CAST: variants seen among roughly 807,000 people sequenced by gnomAD.
The protein encoded by CAST is MIR583 host.
In CAST, 76 loss-of-function variants were observed where a neutral mutation model predicts 119.6. That is an observed-to-expected ratio of 0.64 (90% CI 0.53 to 0.77). CAST has a LOEUF of 0.77. Ranked by LOEUF, CAST falls within the 30% of genes least tolerant of loss-of-function variation. The pLI, the probability that CAST is intolerant of heterozygous loss-of-function variation, is 0.00. For missense variants in CAST, 953 were observed against 946.5 expected (o/e 1.01, Z -0.09); for synonymous variants, 319 against 331.6 (o/e 0.96, Z 0.41).
At chr5:96,680,439 A>G (rs1222664697) in intron 2 of CAST, among the ~76,000 whole-genome samples, 1 of 151,376 alleles carries the variant, frequency 6.6e-6, no homozygotes, top group Non-Finnish European at 1.5e-5. Context: ...TAGCACCTAG[A>G]GAAATGGGCA....
chr5:96,468,904 C>T, the CAST span, among the ~76,000 whole-genome samples: 1 of 152,052 alleles, frequency 6.6e-6, no homozygotes, highest in Non-Finnish European at 1.5e-5. Flanking sequence ...AAGGGGATCT[C>T]GTCTAAAATA....
the CAST span, among the ~76,000 whole-genome samples, chr5:96,283,084 T>G: frequency 7.0e-6 from 1 of 142,184 alleles, no homozygotes; most frequent in Non-Finnish European, 1.5e-5. Flanking sequence ...GAGCCGAGAT[T>G]GCGCCACTGC....
the CAST span, among the ~76,000 whole-genome samples, chr5:96,446,816 A>G: frequency 5.1e-3 from 773 of 152,308 alleles, 14 homozygotes; most frequent in East Asian, 0.07. Context: ...TGCCTGGGCT[A>G]GAAAAAAAGA....
chr5:96,592,956 A>G (rs171870), intron 1 of CAST, among the ~76,000 whole-genome samples: 77,944 of 151,786 alleles, frequency 0.51, 20,163 homozygotes, highest in African/African-American at 0.58. Context: ...TAGTAGAGAC[A>G]GGGTTTCACC....
the CAST span, among the ~76,000 whole-genome samples, chr5:96,235,842 C>T: frequency 2.0e-5 from 3 of 152,102 alleles, no homozygotes; most frequent in African/African-American, 4.8e-5. Flanking sequence ...TTTCCACACC[C>T]GCTTCCAGTT....
chr5:96,277,263 TA>T, the CAST span, among the ~76,000 whole-genome samples: 149,258 of 152,274 alleles, frequency 0.98, 73,214 homozygotes, highest in East Asian at 1. Context: ...AGTGCCATAT[TA>T]ACTCTCCAAA....
At chr5:96,050,362 T>A in the CAST span, among the ~76,000 whole-genome samples, 1 of 151,760 alleles carries the variant, frequency 6.6e-6, no homozygotes, top group Non-Finnish European at 1.5e-5. Flanking sequence ...ACAGAAAGAA[T>A]TCTGAAGTAT....
At chr5:96,089,331 T>C in the CAST span, among the ~76,000 whole-genome samples, 1 of 152,118 alleles carries the variant, frequency 6.6e-6, no homozygotes, top group Non-Finnish European at 1.5e-5. Context: ...GCACATACTC[T>C]TGAGGGAGGA....
At position 96,698,709 on chromosome 5, in the gene CAST, G is replaced by A. The variant is rs1234357817; in HGVS notation, c.210+2802G>A. ...AGCCTTTTATTACACAGTTATCATG[G>A]CACACACAGGCAAAATAATATTCTC... On this transcript the variant is annotated intron_variant, in intron 3 of 31. Transcript: ENST00000675179. Among the ~76,000 whole-genome samples, 3 of 152,114 alleles carry A rather than the reference G, an allele frequency of 2.0e-5. No individual in the cohort carries two copies. The East Asian group carries it at 5.8e-4, about 29-fold the overall frequency.
chr5:96,690,157 G>C (rs1270698848), intron 2 of CAST, among the ~76,000 whole-genome samples: 1 of 152,170 alleles, frequency 6.6e-6, no homozygotes, highest in Non-Finnish European at 1.5e-5. Flanking sequence ...GCAACTCACT[G>C]GAGTGTGCTC....
intron 2 of CAST, among the ~76,000 whole-genome samples, chr5:96,678,035 C>T (rs1252679054): frequency 6.6e-6 from 1 of 152,100 alleles, no homozygotes; most frequent in Non-Finnish European, 1.5e-5. Flanking sequence ...GAAACTGTCC[C>T]ACTTTAGGCA....
chr5:96,648,699 G>A (rs943441391), intron 1 of CAST, among the ~76,000 whole-genome samples: 3 of 141,426 alleles, frequency 2.1e-5, no homozygotes, highest in Admixed American at 1.5e-4. Context: ...ACTGGGAGAA[G>A]TTTTATTTAT....
intron 1 of CAST, among the ~76,000 whole-genome samples, chr5:96,570,606 A>G (rs907587708): frequency 3.3e-5 from 5 of 152,234 alleles, no homozygotes; most frequent in African/African-American, 9.6e-5. Context: ...TACAATGAAA[A>G]TAGAATGAAG....
At chr5:96,532,318 A>T (rs770232507) in intron 1 of CAST, among the ~76,000 whole-genome samples, 4 of 152,222 alleles carry the variant, frequency 2.6e-5, no homozygotes, top group Admixed American at 1.3e-4. Context: ...TTTGCACAAG[A>T]TGTTGCACAT....
chr5:96,059,981 C>T, the CAST span, among the ~76,000 whole-genome samples: 1 of 152,090 alleles, frequency 6.6e-6, no homozygotes, highest in Non-Finnish European at 1.5e-5. Context: ...AAAAACCATA[C>T]AGATCCTGAA....
the CAST span, among the ~76,000 whole-genome samples, chr5:95,985,085 G>A: frequency 6.6e-6 from 1 of 152,128 alleles, no homozygotes; most frequent in Admixed American, 6.5e-5. Context: ...GTTCAAGGAG[G>A]GAGGTTCCCT....
At chr5:96,661,848 G>A (rs1748539350), upstream of CAST, among the ~76,000 whole-genome samples, 2 of 136,118 alleles carry the variant, frequency 1.5e-5, no homozygotes, top group Admixed American at 1.4e-4. Flanking sequence ...ACATACACAG[G>A]CGCGTGCACG....
intron 1 of CAST, among the ~76,000 whole-genome samples, chr5:96,545,007 G>A (rs950293241): frequency 2.0e-5 from 3 of 152,148 alleles, no homozygotes; most frequent in Non-Finnish European, 2.9e-5. Context: ...GATTATTAAT[G>A]ACAAACGGGG....
At chr5:96,264,876 C>T in the CAST span, among the ~76,000 whole-genome samples, 1 of 152,114 alleles carries the variant, frequency 6.6e-6, no homozygotes, top group Non-Finnish European at 1.5e-5. Flanking sequence ...AGATGATTTA[C>T]CTTCATAGTT....
Sources: allele counts gnomAD v4.1 joint callset (sites outside exome capture counted in the v4.1 genomes callset), GRCh38; gene constraint gnomAD v4.1.1; transcripts MANE v1.5; gene names NCBI Gene and HGNC (gene_info 2026-07-23, HGNC 2026-07-21).